Variants in ACVR1C observed in about 807,000 individuals in gnomAD.
ACVR1C encodes the protein activin receptor type-1C.
ACVR1C carries 23 observed loss-of-function variants against 57.9 expected under a neutral mutation model. The observed-to-expected ratio is 0.40, with a 90% CI of 0.29 to 0.56. ACVR1C has a LOEUF of 0.56. ACVR1C is among the 20% of genes least tolerant of loss of function. ACVR1C has a pLI of 0.50. For missense variants in ACVR1C, 480 were observed against 607.9 expected, an observed-to-expected ratio of 0.79 and a Z score of 2.21; for synonymous variants, 214 against 215.3, an observed-to-expected ratio of 0.99 and a Z score of 0.05.
intron 1 of ACVR1C, among the ~76,000 whole-genome samples, chr2:157,612,993 G>A (rs868409451): frequency 3.9e-5 from 6 of 152,304 alleles, no homozygotes; most frequent in Non-Finnish European, 5.9e-5. Flanking sequence ...TAATGTTCCC[G>A]CAGAGTCTCT....
intron 1 of ACVR1C, among the ~76,000 whole-genome samples, chr2:157,622,755 TG>T (rs1478512755): frequency 4.6e-5 from 7 of 151,956 alleles, no homozygotes; most frequent in Admixed American, 1.3e-4. Flanking sequence ...CATGGACAAA[TG>T]GGATCACATC....
At chr2:157,563,091 T>C (rs531633297) in intron 2 of ACVR1C, among the ~76,000 whole-genome samples, 44 of 152,346 alleles carry the variant, frequency 2.9e-4, no homozygotes, top group African/African-American at 9.9e-4. Context: ...ACCAGTCTTA[T>C]TGAACATAGT....
At chr2:157,581,580 C>G (rs1688792492) in intron 2 of ACVR1C, among the ~76,000 whole-genome samples, 1 of 152,122 alleles carries the variant, frequency 6.6e-6, no homozygotes. Context: ...CAAATAGGAT[C>G]TAAGTACAGA....
chr2:157,551,354 A>G (rs568072742), intron 3 of ACVR1C, among the ~76,000 whole-genome samples: 3 of 152,232 alleles, frequency 2.0e-5, no homozygotes, highest in Non-Finnish European at 4.4e-5. Context: ...TACATGTTCA[A>G]TAATGGTTAA....
intron 2 of ACVR1C, among the ~76,000 whole-genome samples, chr2:157,573,228 G>C (rs1165925825): frequency 6.6e-6 from 1 of 152,166 alleles, no homozygotes. Context: ...ATTTAGACAT[G>C]TGCCTAATCA....
chr2:157,598,258 A>G (rs961089123), intron 1 of ACVR1C, among the ~76,000 whole-genome samples: 1 of 151,662 alleles, frequency 6.6e-6, no homozygotes, highest in East Asian at 1.9e-4. Context: ...GTCAATTCAC[A>G]TGATTTAATC....
intron 1 of ACVR1C, 151 bp downstream of exon 1, chr2:157,628,421 C>A: frequency 5.4e-6 from 5 of 920,466 alleles, no homozygotes; most frequent in Non-Finnish European, 8.4e-6. Context: ...TGCACCCTAT[C>A]CCGCGCCCCC....
At position 157,556,166 on chromosome 2, in the gene ACVR1C, C is replaced by G. The variant is rs374013016; in HGVS notation, c.471G>C (p.Glu157Asp). ...KRPNVEEPLS[E>D]CNLVNAGKTL... ...TTTTTCCAGCATTTACCAGATTGCA[C>G]TCAGAGAGTGGTTCCTCCACATTTG... The change falls in exon 3 of 9, where the codon GAG becomes GAC. Residue 157 changes from glutamate to aspartate, a missense_variant. Physicochemically the swap from Glu to Asp is conservative, Grantham distance 45 (BLOSUM62 2). Coordinates refer to ENST00000243349, the MANE Select transcript of ACVR1C (RefSeq NM_145259.3). 7 of 1,614,046 alleles carry G rather than the reference C, an allele frequency of 4.3e-6. No homozygotes were observed. The highest frequency in any genetic ancestry group is 5.9e-6 in the Non-Finnish European group (7 of 1,179,974).
intron 1 of ACVR1C, among the ~76,000 whole-genome samples, chr2:157,613,029 G>T (rs1682566707): frequency 6.6e-6 from 1 of 152,190 alleles, no homozygotes; most frequent in Admixed American, 6.5e-5. Context: ...TTAGTCTAAG[G>T]GTTCATACAG....
chr2:157,585,957 G>T (rs1386481953), intron 2 of ACVR1C, among the ~76,000 whole-genome samples: 1 of 152,118 alleles, frequency 6.6e-6, no homozygotes, highest in Non-Finnish European at 1.5e-5. Context: ...CTGGTACATG[G>T]AATTACTTTA....
chr2:157,532,795 C>A lies in ACVR1C; in HGVS notation c.*1123G>T, dbSNP rs1573898268. 1 of 152,102 alleles carries A rather than the reference C, an allele frequency of 6.6e-6. No individual in the cohort carries two copies. Among genetic ancestry groups the A allele is most frequent in the Non-Finnish European group, 1.5e-5 (1 of 68,008 alleles). 9.4% of individuals were successfully genotyped at this position (152,102 alleles called of 1,614,324 possible). A position where few individuals can be genotyped will look rare whatever the true frequency, so the allele number is the denominator to read the frequency against. On this transcript the variant is annotated 3_prime_UTR_variant, in exon 9 of 9. Coordinates refer to ENST00000243349, the MANE Select transcript of ACVR1C (RefSeq NM_145259.3). ...ACTTCATTGAAGAGTTTTCTTAATT[C>A]TTCTCAATATATTCTCAAAATATTT... is the stretch of plus-strand genomic sequence containing the variant.
chr2:157,590,241 A>G (rs1350794627), intron 1 of ACVR1C, among the ~76,000 whole-genome samples: 1 of 151,980 alleles, frequency 6.6e-6, no homozygotes, highest in Non-Finnish European at 1.5e-5. Context: ...CTAAATGTTC[A>G]ACTTTTTACC....
chr2:157,556,817 C>A (rs980867974), intron 2 of ACVR1C, among the ~76,000 whole-genome samples: 20 of 151,966 alleles, frequency 1.3e-4, no homozygotes, highest in African/African-American at 4.6e-4. Context: ...GTGCCCACCA[C>A]CATGCCCAGC....
intron 1 of ACVR1C, among the ~76,000 whole-genome samples, chr2:157,628,158 G>T (rs1245723299): frequency 6.6e-6 from 1 of 152,092 alleles, no homozygotes; most frequent in African/African-American, 2.4e-5. Context: ...GCTCTCAGGG[G>T]CTTAGCACAG....
Position 157,583,230 on chromosome 2 carries a change from A to G in ACVR1C, c.304+3957T>C, listed in dbSNP as rs114294867. On this transcript the variant is annotated intron_variant, in intron 2 of 8. Coordinates refer to ENST00000243349, the MANE Select transcript of ACVR1C (RefSeq NM_145259.3). ...AGAGGAAAATTACTTTTATTATCAT[A>G]TACTAGCAATTAACATTTAGAAATT... 4.2e-3 allele frequency among the ~76,000 whole-genome samples: 641 copies of G among 152,374 alleles called. 7 individuals are homozygous for G. Among genetic ancestry groups the G allele is most frequent in the African/African-American group, 0.015 (619 of 41,588 alleles).
At chr2:157,546,316 T>G (rs1182646224) in intron 4 of ACVR1C, among the ~76,000 whole-genome samples, 1 of 152,182 alleles carries the variant, frequency 6.6e-6, no homozygotes, top group Non-Finnish European at 1.5e-5. Flanking sequence ...TGGAAAGAAC[T>G]TTTTTGGTTA....
At chr2:157,618,244 T>C (rs1682696530) in intron 1 of ACVR1C, among the ~76,000 whole-genome samples, 1 of 151,814 alleles carries the variant, frequency 6.6e-6, no homozygotes, top group Non-Finnish European at 1.5e-5. Flanking sequence ...AGGCATATGA[T>C]GGTAAGGTTC....
chr2:157,543,441 C>T (rs1378906428), intron 5 of ACVR1C, among the ~76,000 whole-genome samples: 4 of 152,142 alleles, frequency 2.6e-5, no homozygotes, highest in Admixed American at 2.6e-4. Context: ...CCATTATTTT[C>T]ACTTAATCAG....
At chr2:157,562,910 C>T (rs1303183173) in intron 2 of ACVR1C, among the ~76,000 whole-genome samples, 1 of 152,160 alleles carries the variant, frequency 6.6e-6, no homozygotes, top group East Asian at 1.9e-4. Context: ...CCTTCTATAA[C>T]ATCCAACATC....
Sources: allele counts gnomAD v4.1 joint callset (sites outside exome capture counted in the v4.1 genomes callset), GRCh38; gene constraint gnomAD v4.1.1; transcripts MANE v1.5; gene names NCBI Gene and HGNC (gene_info 2026-07-23, HGNC 2026-07-21).